The following ADGRB3 variants were observed in gnomAD, a reference collection of about 807,000 sequenced individuals.
ADGRB3 encodes brain-specific angiogenesis inhibitor 3.
Under a neutral mutation model 193.4 loss-of-function variants are expected in ADGRB3, and 37 were observed. That is an observed-to-expected ratio of 0.19 (90% confidence interval 0.15 to 0.25). The LOEUF (loss-of-function observed/expected upper bound fraction) is 0.25, where lower values mean the gene tolerates loss of function less well. Among genes scored for constraint, ADGRB3 ranks in the 10% least tolerant of loss-of-function variants. ADGRB3 has a pLI of 1.00. For missense variants in ADGRB3, 1,637 were observed against 1,852.9 expected (o/e 0.88, Z 2.14); for synonymous variants, 690 against 644.2 (o/e 1.07, Z -1.08).
At chr6:69,388,380 T>C (rs1770118379) in intron 31 of ADGRB3, among the ~76,000 whole-genome samples, 1 of 152,088 alleles carries the variant, frequency 6.6e-6, no homozygotes, top group South Asian at 2.1e-4. Context: ...GACTTAACTC[T>C]CCTTCCTACT....
At chr6:69,101,805 T>C (rs56285512) in intron 17 of ADGRB3, among the ~76,000 whole-genome samples, 13,775 of 151,938 alleles carry the variant, frequency 0.091, 816 homozygotes, top group Middle Eastern at 0.21. Context: ...AGGTATAAAA[T>C]TTTCCCAATA....
intron 17 of ADGRB3, among the ~76,000 whole-genome samples, chr6:69,223,652 CTTTTTTTT>C (rs554027181): frequency 1.8e-5 from 2 of 110,390 alleles, no homozygotes; most frequent in South Asian, 2.8e-4. Flanking sequence ...CTCTCTCTCT[CTTTTTTTT>C]TTTTTTTTTT....
intron 17 of ADGRB3, among the ~76,000 whole-genome samples, chr6:69,114,332 T>C (rs941808963): frequency 3.3e-5 from 5 of 152,238 alleles, no homozygotes; most frequent in African/African-American, 1.2e-4. Context: ...GTTCATATCC[T>C]TCACCCACTT....
At chr6:69,287,294 T>G (rs763086658) in intron 20 of ADGRB3, among the ~76,000 whole-genome samples, 5 of 152,114 alleles carry the variant, frequency 3.3e-5, no homozygotes, top group Non-Finnish European at 7.3e-5. Flanking sequence ...AAGTGAAAAG[T>G]GATAGCAAAA....
chr6:68,867,511 GC>G lies in ADGRB3; in HGVS notation c.758-63043del, dbSNP rs555529815. Among the ~76,000 whole-genome samples the G allele has an allele frequency of 2.6e-4, 40 of 152,314 alleles. No individual in the cohort carries two copies. The South Asian group carries it at 8.1e-3, about 31-fold the overall frequency. ...TGTAGAGAGGAAATGTGGGGTTGGA[GC>G]CCCCACACAGAGTCCCACTGTGGCA... is the stretch of plus-strand genomic sequence containing the variant. On this transcript the variant is annotated intron_variant, in intron 3 of 31. Transcript: ENST00000370598.
intron 17 of ADGRB3, among the ~76,000 whole-genome samples, chr6:69,181,702 T>C (rs2150351642): frequency 6.6e-6 from 1 of 152,356 alleles, no homozygotes; most frequent in African/African-American, 2.4e-5. Flanking sequence ...TCGTCAATGA[T>C]TACTATCTGC....
intron 12 of ADGRB3, among the ~76,000 whole-genome samples, chr6:69,014,397 G>A (rs1488645338): frequency 6.6e-6 from 1 of 151,348 alleles, no homozygotes; most frequent in African/African-American, 2.4e-5. Context: ...TGTAGACCAT[G>A]GGAAAAACAG....
intron 20 of ADGRB3, among the ~76,000 whole-genome samples, chr6:69,243,541 T>C (rs1009770647): frequency 3.9e-5 from 6 of 152,042 alleles, no homozygotes; most frequent in African/African-American, 1.4e-4. Flanking sequence ...TGGAATCTTA[T>C]GTACAGTTCA....
chr6:69,330,301 G>T (rs1283470), intron 22 of ADGRB3, among the ~76,000 whole-genome samples: 12 of 151,892 alleles, frequency 7.9e-5, no homozygotes, highest in African/African-American at 2.9e-4. Context: ...ACTTTCTTTT[G>T]AGTTAGATAT....
intron 4 of ADGRB3, among the ~76,000 whole-genome samples, chr6:68,931,172 A>G (rs1419866336): frequency 6.6e-6 from 1 of 151,970 alleles, no homozygotes; most frequent in African/African-American, 2.4e-5. Flanking sequence ...TTTGTTATAT[A>G]AGCTAAATAA....
At chr6:68,850,279 A>G (rs1173139987) in intron 3 of ADGRB3, among the ~76,000 whole-genome samples, 1 of 151,766 alleles carries the variant, frequency 6.6e-6, no homozygotes, top group African/African-American at 2.4e-5. Context: ...TTTTTTACTC[A>G]AGAAGGGCAC....
At chr6:68,780,846 A>G (rs1582195629) in intron 3 of ADGRB3, among the ~76,000 whole-genome samples, 2 of 152,160 alleles carry the variant, frequency 1.3e-5, no homozygotes, top group African/African-American at 4.8e-5. Flanking sequence ...AGTGGTACAC[A>G]TCTATTAACT....
chr6:68,639,160 G>T lies in ADGRB3; in HGVS notation c.485G>T (p.Ser162Ile). The T allele has an allele frequency of 2.5e-6, 4 of 1,614,184 alleles. No individual in the cohort carries two copies. Among genetic ancestry groups the T allele is most frequent in the Non-Finnish European group, 3.4e-6 (4 of 1,180,048 alleles). The change falls in exon 3 of 32, where the codon AGC becomes ATC. Residue 162 changes from serine (S) to isoleucine (I), a missense_variant. By Grantham distance (142) the Ser-to-Ile change is moderately radical. Coordinates refer to ENST00000370598, the MANE Select transcript of ADGRB3 (RefSeq NM_001704.3). ...FFEFLVLNKV[S>I]PSQFGCHVLC... is the part of the protein sequence containing the mutation. ...GAGTTTTTGGTATTGAACAAGGTCA[G>T]CCCAAGCCAGTTTGGTTGCCATGTA...
chr6:68,945,424 A>G (rs1160369935), intron 6 of ADGRB3, among the ~76,000 whole-genome samples: 6 of 152,114 alleles, frequency 3.9e-5, no homozygotes, highest in Non-Finnish European at 8.8e-5. Flanking sequence ...TTCTCTCTCT[A>G]TAAACACACA....
At chr6:69,063,320 A>T (rs1771805129) in intron 16 of ADGRB3, among the ~76,000 whole-genome samples, 1 of 152,022 alleles carries the variant, frequency 6.6e-6, no homozygotes, top group Non-Finnish European at 1.5e-5. Context: ...TTATCCAAAT[A>T]ATAGTTAATA....
intron 3 of ADGRB3, among the ~76,000 whole-genome samples, chr6:68,771,832 T>A (rs1766623976): frequency 6.6e-6 from 1 of 152,028 alleles, no homozygotes; most frequent in Non-Finnish European, 1.5e-5. Flanking sequence ...GAAGGAAAGG[T>A]TGCAGAACAG....
intron 3 of ADGRB3, among the ~76,000 whole-genome samples, chr6:68,710,155 A>G (rs779420721): frequency 3.9e-5 from 6 of 152,312 alleles, no homozygotes; most frequent in African/African-American, 1.4e-4. Flanking sequence ...GAGGCTGGCA[A>G]GTGGGGAGGA....
chr6:69,037,342 T>C (rs7747784), intron 13 of ADGRB3, among the ~76,000 whole-genome samples: 2,603 of 152,304 alleles, frequency 0.017, 80 homozygotes, highest in African/African-American at 0.058. Context: ...TGCATGATCA[T>C]TTATTTATGA....
rs70987458 is a variant in ADGRB3, at chr6:69,210,170, A to ATATATG, written c.2481-23120_2481-23119insTATATG. ...ATATCATATATATATATATATATAT[A>ATATATG]AAGGGGAGTTTATTAAATATTAACT... On this transcript the variant is annotated intron_variant, in intron 17 of 31. Coordinates refer to ENST00000370598, the MANE Select transcript of ADGRB3 (RefSeq NM_001704.3). Among the ~76,000 whole-genome samples, 107 of 131,778 alleles carry ATATATG rather than the reference A, an allele frequency of 8.1e-4. 6 individuals carry two copies. Among genetic ancestry groups the ATATATG allele is most frequent in the African/African-American group, 3.1e-3 (103 of 33,490 alleles). 86.5% of individuals were successfully genotyped at this position (131,778 alleles called of 152,430 possible).
Sources: gnomAD v4.1 joint callset for allele counts (sites outside exome capture counted in the v4.1 genomes callset) on GRCh38, gnomAD v4.1.1 for gene constraint, MANE v1.5 for transcripts, NCBI Gene and HGNC (gene_info 2026-07-23, HGNC 2026-07-21) for gene names.